Variants in TANC1 observed in about 807,000 individuals in gnomAD.
TANC1 encodes tetratricopeptide repeat, ankyrin repeat and coiled-coil containing 1.
A neutral mutation model predicts 149.7 loss-of-function variants in TANC1; 77 were observed. That is an observed-to-expected ratio of 0.51 (90% CI 0.43 to 0.62). The LOEUF is 0.62. Among genes scored for constraint, TANC1 ranks in the 20% least tolerant of loss-of-function variants. TANC1 has a pLI of 0.00. For synonymous variants in TANC1, 854 were observed against 925.0 expected, an observed-to-expected ratio of 0.92 and a Z score of 1.39; for missense variants, 1,985 against 2,321.8, an observed-to-expected ratio of 0.85 and a Z score of 2.98.
At position 159,179,151 on chromosome 2, in the gene TANC1, T is replaced by G. The variant is rs749016398; in HGVS notation, c.2498T>G (p.Leu833Arg). The G allele has an allele frequency of 2.7e-5, 44 of 1,610,484 alleles. No individual in the cohort carries two copies. Among genetic ancestry groups the G allele is most frequent in the Non-Finnish European group, 3.4e-5 (40 of 1,178,072 alleles). ...WRADGENTAF[L>R]CEPRNGHALL... Reference sequence around the variant, plus strand: ...GCAGACGGGGAAAACACGGCCTTCCTGTGTGAGCCCAGGTACGGCAGGCGC... The same window carrying G: ...GCAGACGGGGAAAACACGGCCTTCCGGTGTGAGCCCAGGTACGGCAGGCGC... The change falls in exon 14 of 27, where the codon CTG (leucine) becomes CGG (arginine). Residue 833 changes from leucine to arginine, a missense_variant. By Grantham distance (102) the Leu-to-Arg change is moderately radical. Around this residue, in one of 3 missense-constraint regions of TANC1, gnomAD observed 508 missense variants for 714.2 expected, o/e 0.71. Transcript: ENST00000263635.
At chr2:159,211,149 G>A (rs2058958200) in intron 19 of TANC1, among the ~76,000 whole-genome samples, 1 of 152,242 alleles carries the variant, frequency 6.6e-6, no homozygotes, top group Admixed American at 6.5e-5. Context: ...GGGATTACAG[G>A]CATGAGCCAC....
At chr2:159,087,950 G>A (rs1172085999) in intron 3 of TANC1, among the ~76,000 whole-genome samples, 2 of 150,490 alleles carry the variant, frequency 1.3e-5, no homozygotes, top group Non-Finnish European at 3.0e-5. Context: ...TTTGAGGCAT[G>A]AATCTATAAT....
At chr2:159,191,499 C>T (rs2057439620) in intron 16 of TANC1, among the ~76,000 whole-genome samples, 2 of 152,144 alleles carry the variant, frequency 1.3e-5, no homozygotes, top group African/African-American at 2.4e-5. Context: ...ACCATGAGGC[C>T]GGCCCTGCTT....
At chr2:159,095,672 G>T (rs558572520) in intron 3 of TANC1, among the ~76,000 whole-genome samples, 5 of 147,018 alleles carry the variant, frequency 3.4e-5, no homozygotes, top group Non-Finnish European at 7.4e-5. Flanking sequence ...GGAGGTGGAC[G>T]TTGCAGTGAG....
At chr2:158,976,881 G>A (rs1056146183) in intron 1 of TANC1, among the ~76,000 whole-genome samples, 6 of 152,002 alleles carry the variant, frequency 3.9e-5, no homozygotes, top group Admixed American at 2.6e-4. Flanking sequence ...ACTCCGTCTT[G>A]AAAAACAACA....
At chr2:159,009,927 A>AG (rs1423191075) in intron 2 of TANC1, among the ~76,000 whole-genome samples, 1 of 152,218 alleles carries the variant, frequency 6.6e-6, no homozygotes, top group Admixed American at 6.5e-5. Context: ...ACTGGAAAGA[A>AG]GGTAGAAATT....
intron 1 of TANC1, among the ~76,000 whole-genome samples, chr2:158,983,469 A>C (rs1354006117): frequency 2.0e-4 from 12 of 60,778 alleles, no homozygotes; most frequent in East Asian, 5.7e-4. Flanking sequence ...TCCGTCTCCC[A>C]AAAAAAAAAA....
At chr2:159,087,916 GTGATGTGA>G (rs2045109443) in intron 3 of TANC1, among the ~76,000 whole-genome samples, 1 of 149,436 alleles carries the variant, frequency 6.7e-6, no homozygotes, top group South Asian at 2.2e-4. Flanking sequence ...GAGGGAGAAT[GTGATGTGA>G]TGACGTAGGC....
chr2:159,172,089 A>G (rs776396227), intron 10 of TANC1, 32 bp from the exon 11 acceptor site: 5 of 1,603,674 alleles, frequency 3.1e-6, no homozygotes, highest in Non-Finnish European at 4.3e-6. Context: ...TCCTACTGTG[A>G]TGTACATAAT....
chr2:159,210,247 C>A (rs1369361810), intron 19 of TANC1, among the ~76,000 whole-genome samples: 3 of 152,294 alleles, frequency 2.0e-5, no homozygotes, highest in Middle Eastern at 3.4e-3. Flanking sequence ...TCTCTCCAAG[C>A]CCCCAAGTTG....
chr2:159,194,142 C>A, intron 16 of TANC1, 115 bp from the exon 17 acceptor site: 1 of 791,702 alleles, frequency 1.3e-6, no homozygotes. Context: ...GGTGCACATT[C>A]AAGTTTGAGA....
chr2:159,079,531 G>A lies in TANC1; in HGVS notation c.61+13560G>A, dbSNP rs142031151. On this transcript the variant is annotated intron_variant, in intron 3 of 26. Transcript: ENST00000263635. ...GTCTCCAAAGCCTATGTTTTGGGCA[G>A]TATAGCAGCCAGGCTGCTTGGGTTC... Among the ~76,000 whole-genome samples the A allele has an allele frequency of 9.7e-4, 148 of 152,246 alleles. 1 individual carries two copies. The highest frequency in any genetic ancestry group is 3.4e-3 in the African/African-American group (143 of 41,542).
chr2:159,127,457 G>A (rs1055091920), intron 4 of TANC1, among the ~76,000 whole-genome samples: 19 of 152,304 alleles, frequency 1.2e-4, no homozygotes, highest in South Asian at 1.2e-3. Flanking sequence ...ATCCCATTAC[G>A]AGGTATATAC....
At chr2:159,168,711 T>C (rs1222980195) in intron 8 of TANC1, among the ~76,000 whole-genome samples, 3 of 152,144 alleles carry the variant, frequency 2.0e-5, no homozygotes, top group Non-Finnish European at 4.4e-5. Context: ...CGGTATGATA[T>C]AGAATGTGTA....
chr2:159,136,003 TG>T (rs1249738942), intron 4 of TANC1, among the ~76,000 whole-genome samples, 190 bp from the exon 5 acceptor site: 35 of 27,074 alleles, frequency 1.3e-3, no homozygotes, highest in African/African-American at 4.7e-3. Flanking sequence ...ACTGAAATTT[TG>T]TGTGTGTGTG....
At chr2:159,078,462 C>T (rs1030249678) in intron 3 of TANC1, among the ~76,000 whole-genome samples, 2 of 152,138 alleles carry the variant, frequency 1.3e-5, no homozygotes, top group Non-Finnish European at 2.9e-5. Flanking sequence ...TTTATAGGAT[C>T]AAGTGAAGGA....
intron 2 of TANC1, among the ~76,000 whole-genome samples, chr2:159,014,478 G>A (rs1364493387): frequency 6.6e-6 from 1 of 152,156 alleles, no homozygotes; most frequent in Non-Finnish European, 1.5e-5. Context: ...GGGACACAGA[G>A]CCAAACCATA....
At chr2:159,075,637 T>G (rs1348579750) in intron 3 of TANC1, among the ~76,000 whole-genome samples, 1 of 152,112 alleles carries the variant, frequency 6.6e-6, no homozygotes, top group Non-Finnish European at 1.5e-5. Context: ...ACCCAAGATA[T>G]TCTGTATTTT....
At chr2:159,219,635 C>T (rs1278475315) in intron 21 of TANC1, 57 bp from the exon 22 acceptor site, 1 of 1,605,950 alleles carries the variant, frequency 6.2e-7, no homozygotes, top group South Asian at 1.1e-5. Flanking sequence ...AAACAATTTG[C>T]TTTCTGGCTT....
Sources: allele counts gnomAD v4.1 joint callset (sites outside exome capture counted in the v4.1 genomes callset), GRCh38; gene constraint gnomAD v4.1.1; regional missense constraint gnomAD v4.1.1; transcripts MANE v1.5; gene names NCBI Gene and HGNC (gene_info 2026-07-23, HGNC 2026-07-21).